PTPRZ1: variants seen among roughly 807,000 people sequenced by gnomAD.
PTPRZ1 encodes the protein protein tyrosine phosphatase receptor type Z1, also known as receptor-type tyrosine-protein phosphatase zeta.
In PTPRZ1, 82 loss-of-function variants were observed where a neutral mutation model predicts 214.1. The ratio of observed to expected loss-of-function variants is 0.38; its 90% CI spans 0.32 to 0.46. The LOEUF is 0.46. Ranked by LOEUF, PTPRZ1 falls within the 20% of genes least tolerant of loss-of-function variation. The probability of loss-of-function intolerance (pLI) is 1.00; values close to 1 mark genes in which losing one functional copy is unlikely to be tolerated. For synonymous variants in PTPRZ1, 945 were observed against 987.9 expected (o/e 0.96, Z 0.81); for missense variants, 2,603 against 2,748.7 (o/e 0.95, Z 1.19).
At chr7:121,993,510 G>C (rs2116600996) in intron 8 of PTPRZ1, among the ~76,000 whole-genome samples, 1 of 139,886 alleles carries the variant, frequency 7.1e-6, no homozygotes. Flanking sequence ...AGGAGGCGGA[G>C]TTTGCAGTAA....
chr7:121,873,569 G>T lies in PTPRZ1; in HGVS notation c.58+12G>T, dbSNP rs773591037. 6.2e-7 allele frequency: 1 copy of T among 1,613,486 alleles called. No homozygotes were observed. The highest frequency in any genetic ancestry group is 1.1e-5 in the South Asian group (1 of 91,048). On this transcript the variant is annotated intron_variant, in intron 1 of 29. Coordinates refer to ENST00000393386, the MANE Select transcript of PTPRZ1 (RefSeq NM_002851.3). The stretch of plus-strand genomic sequence containing the variant: ...TGTTTGCCGCCTGGGTGAGTGAGAA[G>T]AGCTCGGTGGGGTTTCAGCTCCGGG...
In PTPRZ1 at chr7:122,039,548, C is replaced by A; in HGVS notation, c.5597C>A (p.Thr1866Asn). 6.2e-7 allele frequency: 1 copy of A among 1,613,880 alleles called. No individual in the cohort carries two copies. The highest frequency in any genetic ancestry group is 8.5e-7 in the Non-Finnish European group (1 of 1,179,934). The stretch of plus-strand genomic sequence containing the variant: ...AGTGTGCAAGTGCTTGCCTATTATA[C>A]TGTGAGGAATTTTACTCTAAGAAAC... ...QKSVQVLAYY[T>N]VRNFTLRNTK... The change falls in exon 20 of 30, where the codon ACT (threonine) becomes AAT (asparagine). Residue 1866 changes from threonine (T) to asparagine (N), a missense_variant. Thr to Asn is a moderately conservative substitution (Grantham distance 65, BLOSUM62 0). Transcript: ENST00000393386.
chr7:121,942,111 C>G (rs1349278161), intron 2 of PTPRZ1, among the ~76,000 whole-genome samples: 1 of 152,164 alleles, frequency 6.6e-6, no homozygotes, highest in Non-Finnish European at 1.5e-5. Flanking sequence ...TTTTTTACAT[C>G]ATTTACCAGG....
intron 2 of PTPRZ1, among the ~76,000 whole-genome samples, chr7:121,937,246 C>T (rs1026474847): frequency 6.6e-6 from 1 of 152,062 alleles, no homozygotes; most frequent in African/African-American, 2.4e-5. Context: ...CCAGAAGAGC[C>T]GTGTTTGATA....
intron 8 of PTPRZ1, among the ~76,000 whole-genome samples, chr7:121,995,977 A>G (rs996316635): frequency 6.6e-6 from 1 of 152,226 alleles, no homozygotes; most frequent in Non-Finnish European, 1.5e-5. Flanking sequence ...ATATAGAACT[A>G]CAGAGCTATG....
intron 12 of PTPRZ1, 127 bp from the exon 13 acceptor site, chr7:122,018,996 CT>C: frequency 1.2e-6 from 1 of 842,626 alleles, no homozygotes; most frequent in Non-Finnish European, 1.8e-6. Context: ...TGTAGACATT[CT>C]TTGCATCAAA....
At chr7:121,886,980 G>A (rs980892102) in intron 1 of PTPRZ1, among the ~76,000 whole-genome samples, 1 of 152,118 alleles carries the variant, frequency 6.6e-6, no homozygotes, top group Non-Finnish European at 1.5e-5. Flanking sequence ...CCACACGTGT[G>A]CTCCTTCCCT....
At chr7:121,977,415 A>C (rs1237783934) in intron 6 of PTPRZ1, among the ~76,000 whole-genome samples, 1 of 152,206 alleles carries the variant, frequency 6.6e-6, no homozygotes, top group African/African-American at 2.4e-5. Context: ...GTCACAACAA[A>C]TGCTTTTAAC....
intron 1 of PTPRZ1, among the ~76,000 whole-genome samples, chr7:121,904,000 A>ACAC (rs1554427275): frequency 1.3e-5 from 2 of 151,380 alleles, no homozygotes; most frequent in African/African-American, 2.4e-5. Context: ...ACACACACAC[A>ACAC]ATAGTAGGTG....
intron 1 of PTPRZ1, among the ~76,000 whole-genome samples, chr7:121,877,962 A>G (rs554692746): frequency 1.7e-4 from 26 of 150,648 alleles, no homozygotes; most frequent in Non-Finnish European, 3.2e-4. Flanking sequence ...ATATATATAT[A>G]TGTGTTTGTG....
intron 2 of PTPRZ1, among the ~76,000 whole-genome samples, chr7:121,953,778 C>T (rs192258305): frequency 5.3e-5 from 8 of 152,132 alleles, no homozygotes; most frequent in South Asian, 2.1e-4. Flanking sequence ...TCAAAGAAAA[C>T]GGTGTAGATC....
intron 11 of PTPRZ1, among the ~76,000 whole-genome samples, chr7:122,007,262 A>G (rs561832545): frequency 6.6e-6 from 1 of 152,278 alleles, no homozygotes; most frequent in South Asian, 2.1e-4. Flanking sequence ...GGCTTTACCC[A>G]TGGTGGTAGT....
intron 2 of PTPRZ1, among the ~76,000 whole-genome samples, chr7:121,946,066 G>T (rs1348011520): frequency 6.6e-6 from 1 of 152,156 alleles, no homozygotes; most frequent in African/African-American, 2.4e-5. Flanking sequence ...AGGAGTCTTG[G>T]CTGCTAGTAA....
At chr7:121,928,458 C>G (rs1417243079) in intron 2 of PTPRZ1, among the ~76,000 whole-genome samples, 1 of 151,994 alleles carries the variant, frequency 6.6e-6, no homozygotes, top group East Asian at 1.9e-4. Flanking sequence ...AAGCTCAGGC[C>G]CAAGCTGTCT....
rs371801769 is a variant in PTPRZ1 at position 122,037,270 on chromosome 7, G to A, written c.5367+588G>A. Among the ~76,000 whole-genome samples, 15 of 144,296 alleles carry A rather than the reference G, an allele frequency of 1.0e-4. No homozygotes were observed. In the South Asian group the frequency reaches 1.6e-3, roughly 15 times the overall value. 94.7% of individuals were successfully genotyped at this position (144,296 alleles called of 152,430 possible). The stretch of plus-strand genomic sequence containing the variant: ...AGCCTGGGCAACAGAGTGAGACTCC[G>A]TCTCAGAAAAAAAAAAAATGTGAAG... On this transcript the variant is annotated intron_variant, in intron 18 of 29. Coordinates refer to ENST00000393386, the MANE Select transcript of PTPRZ1 (RefSeq NM_002851.3).
chr7:121,906,744 C>T (rs1016372288), intron 1 of PTPRZ1, among the ~76,000 whole-genome samples: 1 of 152,126 alleles, frequency 6.6e-6, no homozygotes, highest in African/African-American at 2.4e-5. Context: ...CATTCACTGG[C>T]TTGACATCAT....
chr7:122,013,040 C>T lies in PTPRZ1; in HGVS notation c.3994C>T (p.His1332Tyr). 6.2e-7 allele frequency: 1 copy of T among 1,613,762 alleles called. No homozygotes were observed. The part of the protein sequence containing the change: ...PLNTLINKLI[H>Y]SDEILTSTKS... ...AAATACACTAATAAATAAGCTTATA[C>T]ATTCCGATGAAATTTTAACCTCCAC... Residue 1332 changes from histidine (H) to tyrosine (Y), a missense_variant, in exon 12 of 30, where the codon CAT (histidine) becomes TAT (tyrosine). Physicochemically the swap from His to Tyr is moderately conservative, Grantham distance 83. Around this residue, in one of 6 missense-constraint regions of PTPRZ1, gnomAD observed 1,913 missense variants for 1,914.3 expected, o/e 1.00. Transcript: ENST00000393386.
At chr7:121,936,393 A>G (rs1307199430) in intron 2 of PTPRZ1, among the ~76,000 whole-genome samples, 1 of 152,184 alleles carries the variant, frequency 6.6e-6, no homozygotes, top group East Asian at 1.9e-4. Flanking sequence ...TTATCCTGTT[A>G]TCTGTGAATA....
In PTPRZ1 at chr7:121,925,823, A is replaced by G. The variant is rs1033616147; in HGVS notation, c.59-2333A>G. Reference sequence around the variant, plus strand: ...ATCTTTATGACAAGAAGTAGCTTTTACAACTTGGAGCAAGGTGCCCCACTG... The same window carrying G: ...ATCTTTATGACAAGAAGTAGCTTTTGCAACTTGGAGCAAGGTGCCCCACTG... On this transcript the variant is annotated intron_variant, in intron 1 of 29. Transcript: ENST00000393386. 1.1e-4 allele frequency among the ~76,000 whole-genome samples: 16 copies of G among 152,336 alleles called. 1 individual carries two copies. In the South Asian group the frequency reaches 2.3e-3, roughly 22 times the overall value.
Sources: gnomAD v4.1 joint callset for allele counts (sites outside exome capture counted in the v4.1 genomes callset) on GRCh38, gnomAD v4.1.1 for gene constraint, gnomAD v4.1.1 regional missense constraint, MANE v1.5 for transcripts, NCBI Gene and HGNC (gene_info 2026-07-23, HGNC 2026-07-21) for gene names.